Variants in ZMAT5 observed in about 807,000 individuals in gnomAD.
ZMAT5 encodes zinc finger matrin-type protein 5.
Under a neutral mutation model 28.0 loss-of-function variants are expected in ZMAT5, and 23 were observed. That is an observed-to-expected ratio of 0.82 (90% CI 0.59 to 1.16). The LOEUF is 1.16. Ranked by LOEUF, ZMAT5 falls within the 50% of genes most tolerant of loss-of-function variation. The pLI is 0.00. For synonymous variants in ZMAT5, 76 were observed against 84.1 expected, an observed-to-expected ratio of 0.90 and a Z score of 0.52; for missense variants, 173 against 212.7, an observed-to-expected ratio of 0.81 and a Z score of 1.16.
chr22:29,758,450 T>C (rs2068124543), intron 1 of ZMAT5, among the ~76,000 whole-genome samples: 2 of 152,164 alleles, frequency 1.3e-5, no homozygotes, highest in Non-Finnish European at 2.9e-5. Context: ...ACCCTATCTC[T>C]ACAAACAGTT....
At chr22:29,758,324 TGTTGCTTTAGGTTG>T (rs2068123227) in intron 1 of ZMAT5, among the ~76,000 whole-genome samples, 2 of 152,170 alleles carry the variant, frequency 1.3e-5, no homozygotes, top group South Asian at 2.1e-4. Context: ...AATAAAAGTT[TGTTGCTTTAGGTTG>T]GACGCAGTGG....
At chr22:29,755,354 GGAGGGAGGGA>G (rs796765312) in intron 1 of ZMAT5, among the ~76,000 whole-genome samples, 1 of 38,582 alleles carries the variant, frequency 2.6e-5, no homozygotes, top group African/African-American at 1.7e-4. Flanking sequence ...AGGGAGGGAG[GGAGGGAGGGA>G]GGGGGAGAGA....
intron 3 of ZMAT5, among the ~76,000 whole-genome samples, chr22:29,741,996 T>G (rs1039624770): frequency 2.6e-5 from 4 of 151,702 alleles, no homozygotes; most frequent in African/African-American, 9.7e-5. Context: ...AGCTGAGTAC[T>G]GAGCAGTCAA....
chr22:29,732,232 G>A (rs80305939), intron 5 of ZMAT5, among the ~76,000 whole-genome samples: 2,087 of 152,344 alleles, frequency 0.014, 38 homozygotes, highest in African/African-American at 0.046. Context: ...GAACCTTTGA[G>A]CACTTTGAAC....
chr22:29,746,150 T>C (rs1243618890), intron 2 of ZMAT5: 1 of 152,006 alleles, frequency 6.6e-6, no homozygotes, highest in South Asian at 2.1e-4. Flanking sequence ...TTTTTTTATT[T>C]TTGTTTTTAT....
At chr22:29,763,290 C>CTCAA (rs1556023382) in intron 1 of ZMAT5, among the ~76,000 whole-genome samples, 8 of 61,336 alleles carry the variant, frequency 1.3e-4, no homozygotes, top group African/African-American at 3.6e-4. Flanking sequence ...GAGACTCTGC[C>CTCAA]TCAATAAATA....
intron 5 of ZMAT5, among the ~76,000 whole-genome samples, chr22:29,736,297 C>T (rs1436888621): frequency 6.6e-6 from 1 of 152,204 alleles, no homozygotes; most frequent in African/African-American, 2.4e-5. Flanking sequence ...ACCCTTCAGA[C>T]AGGACCAGGA....
intron 1 of ZMAT5, among the ~76,000 whole-genome samples, chr22:29,753,350 C>A (rs530743568): frequency 3.3e-5 from 5 of 152,312 alleles, no homozygotes; most frequent in African/African-American, 4.8e-5. Flanking sequence ...CACAGTGAAA[C>A]CCTGTCTCTA....
intron 2 of ZMAT5, chr22:29,748,197 T>C (rs1301005308): frequency 3.2e-6 from 2 of 620,142 alleles, no homozygotes; most frequent in East Asian, 5.9e-5. Flanking sequence ...CACCTCCTTC[T>C]AGGGCCTTCC....
chr22:29,731,577 G>T, intron 5 of ZMAT5: 1 of 513,122 alleles, frequency 1.9e-6, no homozygotes, highest in Non-Finnish European at 3.3e-6. Context: ...CAGACATTGA[G>T]CTGCGAGACA....
chr22:29,758,248 G>C (rs1158410087), intron 1 of ZMAT5, among the ~76,000 whole-genome samples: 1 of 152,206 alleles, frequency 6.6e-6, no homozygotes, highest in African/African-American at 2.4e-5. Context: ...AACCTCCCAA[G>C]AGACTCAGCC....
At chr22:29,757,971 C>T (rs562865917) in intron 1 of ZMAT5, among the ~76,000 whole-genome samples, 2 of 151,424 alleles carry the variant, frequency 1.3e-5, no homozygotes, top group Non-Finnish European at 2.9e-5. Context: ...GAGCCGAGAT[C>T]GCCACTGCAC....
rs185338234 is a variant in ZMAT5, at chr22:29,740,184, T to C, written c.271+466A>G. Among the ~76,000 whole-genome samples the C allele has an allele frequency of 2.4e-3, 363 of 152,296 alleles. 1 individual carries two copies. The highest frequency in any genetic ancestry group is 4.5e-3 in the Admixed American group (69 of 15,304). Reference sequence around the variant, plus strand: ...CCCAAAGGCGAGATGTCAGTTTCCATGGAAGCTGAACTTGCCCCTCCCTGG... The same window carrying C: ...CCCAAAGGCGAGATGTCAGTTTCCACGGAAGCTGAACTTGCCCCTCCCTGG... On this transcript the variant is annotated intron_variant, in intron 4 of 5. Transcript: ENST00000344318.
At chr22:29,756,360 A>C (rs2068101177) in intron 1 of ZMAT5, among the ~76,000 whole-genome samples, 1 of 152,218 alleles carries the variant, frequency 6.6e-6, no homozygotes. Context: ...GGAAGCGCCA[A>C]GGAAATCCAG....
Position 29,740,667 on chromosome 22 carries a change from A to G in ZMAT5, c.254T>C (p.Leu85Pro), listed in dbSNP as rs1369038044. ...SHMSERDLQE[L>P]SIQVEEERRA... is the part of the protein sequence containing the mutation. Reference sequence around the variant, plus strand: ...AGACGTACCCTCCACCTGGATGCTCAGCTCCTGCAGGTCTCGCTCTGACAT... The same window carrying G: ...AGACGTACCCTCCACCTGGATGCTCGGCTCCTGCAGGTCTCGCTCTGACAT... Residue 85 changes from leucine (L) to proline (P), a missense_variant, in exon 4 of 6, where the codon CTG (leucine) becomes CCG (proline). Physicochemically the swap from Leu to Pro is moderately conservative, Grantham distance 98. Coordinates refer to ENST00000344318, the MANE Select transcript of ZMAT5 (RefSeq NM_001003692.2). 1.2e-6 allele frequency: 2 copies of G among 1,603,228 alleles called. No individual in the cohort carries two copies. The highest frequency in any genetic ancestry group is 3.4e-5 in the Admixed American group (2 of 58,200).
In ZMAT5 at chr22:29,738,354, C is replaced by G. The variant is rs141136441; in HGVS notation, c.359G>C (p.Arg120Pro). ...CCTGCTACTTGGGGCTGAGCTCAGC[C>G]GCTTGGCTCTCTTCTCCAGCCAGTC... ...LEDWLEKRAK[R>P]LSSAPSSRAE... The change falls in exon 5 of 6, where the codon CGG (arginine) becomes CCG (proline). Residue 120 changes from arginine to proline, a missense_variant. Physicochemically the swap from Arg to Pro is moderately radical, Grantham distance 103 (BLOSUM62 -2). Transcript: ENST00000344318. 84 of 1,609,706 alleles carry G rather than the reference C, an allele frequency of 5.2e-5. No individual in the cohort carries two copies. Among genetic ancestry groups the G allele is most frequent in the South Asian group, 3.3e-4 (30 of 90,992 alleles).
At chr22:29,738,087 T>A (rs993625055) in intron 5 of ZMAT5, among the ~76,000 whole-genome samples, 5 of 151,940 alleles carry the variant, frequency 3.3e-5, no homozygotes, top group Admixed American at 3.3e-4. Context: ...GCCGCCTGCC[T>A]CCCCTCCAGC....
intron 2 of ZMAT5, among the ~76,000 whole-genome samples, chr22:29,745,542 A>G (rs1279908637): frequency 6.6e-6 from 1 of 152,208 alleles, no homozygotes; most frequent in African/African-American, 2.4e-5. Flanking sequence ...GCTGGAGGGA[A>G]TCCTTCTGAG....
chr22:29,755,452 A>G (rs2068093398), intron 1 of ZMAT5, among the ~76,000 whole-genome samples: 1 of 151,994 alleles, frequency 6.6e-6, no homozygotes. Context: ...AGAAAGAAAG[A>G]AGAAAACTAG....
Sources: gnomAD v4.1 joint callset for allele counts (sites outside exome capture counted in the v4.1 genomes callset) on GRCh38, gnomAD v4.1.1 for gene constraint, MANE v1.5 for transcripts, NCBI Gene and HGNC (gene_info 2026-07-23, HGNC 2026-07-21) for gene names.